Variants in PDE11A observed in about 807,000 individuals in gnomAD.
The protein encoded by PDE11A is dual 3',5'-cyclic-AMP and -GMP phosphodiesterase 11A.
In PDE11A, 100 loss-of-function variants were observed where a neutral mutation model predicts 100.5. The observed-to-expected ratio is 1.00, with a 90% CI of 0.85 to 1.18. PDE11A has a LOEUF of 1.18. Among genes scored for constraint, PDE11A ranks in the 50% most tolerant of loss-of-function variants. PDE11A has a pLI of 0.00. For synonymous variants in PDE11A, 381 were observed against 420.8 expected (o/e 0.91, Z 1.16); for missense variants, 1,141 against 1,152.6 (o/e 0.99, Z 0.15).
chr2:177,744,672 A>G (rs1001377621), intron 10 of PDE11A, among the ~76,000 whole-genome samples: 1 of 152,128 alleles, frequency 6.6e-6, no homozygotes, highest in Non-Finnish European at 1.5e-5. Flanking sequence ...ATGTGAGAGG[A>G]TTCTACATAA....
chr2:177,878,057 G>A (rs972016248), intron 4 of PDE11A, among the ~76,000 whole-genome samples: 2 of 152,100 alleles, frequency 1.3e-5, no homozygotes, highest in African/African-American at 2.4e-5. Flanking sequence ...TGCAACATTA[G>A]GGAAAAAATA....
intron 2 of PDE11A, among the ~76,000 whole-genome samples, chr2:178,103,793 C>A (rs2087587282): frequency 6.6e-6 from 1 of 151,926 alleles, no homozygotes; most frequent in Admixed American, 6.6e-5. Flanking sequence ...ACATATAAAT[C>A]TCCATATGAT....
intron 19 of PDE11A, among the ~76,000 whole-genome samples, chr2:177,635,271 T>A (rs2080022213): frequency 6.6e-6 from 1 of 152,230 alleles, no homozygotes; most frequent in Non-Finnish European, 1.5e-5. Context: ...GACTGATAAC[T>A]CAGGTTTTGT....
intron 15 of PDE11A, among the ~76,000 whole-genome samples, chr2:177,683,642 T>C (rs893221875): frequency 1.3e-5 from 2 of 152,220 alleles, no homozygotes; most frequent in African/African-American, 4.8e-5. Context: ...GGAACCTCTC[T>C]TGCTTTGCTG....
intron 2 of PDE11A, among the ~76,000 whole-genome samples, chr2:177,956,221 C>A (rs926212981): frequency 1.3e-5 from 2 of 152,026 alleles, no homozygotes. Flanking sequence ...AAGAAAAAAA[C>A]AAACAACCCC....
At chr2:177,981,050 T>C (rs1172276922) in intron 2 of PDE11A, among the ~76,000 whole-genome samples, 1 of 148,628 alleles carries the variant, frequency 6.7e-6, no homozygotes, top group Non-Finnish European at 1.5e-5. Context: ...CAATCTCAGT[T>C]AAAATCCCAG....
At chr2:178,063,556 C>G (rs2087000236) in intron 1 of PDE11A, among the ~76,000 whole-genome samples, 1 of 152,262 alleles carries the variant, frequency 6.6e-6, no homozygotes, top group South Asian at 2.1e-4. Context: ...ATGAACTAGA[C>G]AGGGTAGGTA....
At chr2:177,927,888 T>C (rs962089527) in intron 2 of PDE11A, among the ~76,000 whole-genome samples, 13 of 152,084 alleles carry the variant, frequency 8.5e-5, no homozygotes, top group Non-Finnish European at 1.6e-4. Context: ...GCAGATCACC[T>C]GAGGTTGGGA....
intron 2 of PDE11A, among the ~76,000 whole-genome samples, chr2:177,939,156 G>A (rs966623273): frequency 1.1e-4 from 16 of 152,108 alleles, no homozygotes; most frequent in Non-Finnish European, 2.1e-4. Context: ...TGAAGAAATC[G>A]GAGCTGGGAA....
intron 9 of PDE11A, among the ~76,000 whole-genome samples, chr2:177,800,985 T>C (rs182556523): frequency 6.6e-6 from 1 of 152,324 alleles, no homozygotes; most frequent in African/African-American, 2.4e-5. Flanking sequence ...AGAGAGAATG[T>C]TTTAATACAT....
At position 177,964,311 on chromosome 2, in the gene PDE11A, G is replaced by A. The variant is rs748992499; in HGVS notation, c.1071+49991C>T. ...ATATAATACACATATCTATTTCTCCGAGTTAATCATATTAAACTTTTAGCT... is the reference window on the plus strand; with the variant it reads ...ATATAATACACATATCTATTTCTCCAAGTTAATCATATTAAACTTTTAGCT... On this transcript the variant is annotated intron_variant, in intron 2 of 19. Transcript: ENST00000286063. 6.6e-5 allele frequency among the ~76,000 whole-genome samples: 10 copies of A among 151,876 alleles called. No individual in the cohort carries two copies. In the East Asian group the frequency reaches 9.6e-4, roughly 15 times the overall value.
chr2:177,631,539 A>G (rs370764342), intron 19 of PDE11A, among the ~76,000 whole-genome samples: 15,768 of 27,106 alleles, frequency 0.58, 5,894 homozygotes, highest in East Asian at 0.75. Flanking sequence ...ATATATATAT[A>G]TATATATACA....
At chr2:177,926,834 G>A (rs1487204299) in intron 2 of PDE11A, 4 of 151,918 alleles carry the variant, frequency 2.6e-5, no homozygotes, top group Admixed American at 1.3e-4. Context: ...CTGAGGACCC[G>A]AAGGCCTGGA....
At chr2:177,843,963 ATATAG>A (rs2083534140) in intron 5 of PDE11A, among the ~76,000 whole-genome samples, 1 of 152,140 alleles carries the variant, frequency 6.6e-6, no homozygotes, top group Non-Finnish European at 1.5e-5. Flanking sequence ...AAACTGACCT[ATATAG>A]GTCAGTGCAA....
At chr2:178,009,523 G>A (rs2086250935) in intron 2 of PDE11A, among the ~76,000 whole-genome samples, 1 of 151,028 alleles carries the variant, frequency 6.6e-6, no homozygotes. Context: ...AAGAGCATGA[G>A]GATTTTAAAG....
At chr2:177,658,704 T>C (rs2080428569) in intron 19 of PDE11A, among the ~76,000 whole-genome samples, 1 of 139,946 alleles carries the variant, frequency 7.1e-6, no homozygotes. Context: ...GGAAACTAAC[T>C]GATTTGAGTG....
intron 2 of PDE11A, among the ~76,000 whole-genome samples, chr2:177,986,899 T>C (rs2085947002): frequency 6.6e-6 from 1 of 151,638 alleles, no homozygotes; most frequent in Admixed American, 6.6e-5. Context: ...TTAAATGATA[T>C]AGTGCATGTA....
rs1347796715 is a variant in PDE11A at position 177,960,027 on chromosome 2, T to A, written c.1071+54275A>T. 2.0e-5 allele frequency among the ~76,000 whole-genome samples: 3 copies of A among 152,280 alleles called. No individual in the cohort carries two copies. The East Asian group carries it at 5.8e-4, about 29-fold the overall frequency. ...AGCAATGTCCTTGCTTACTGATACA[T>A]AACTAAAGGTTTAGAATTAGCCCAG... is the stretch of plus-strand genomic sequence containing the variant. On this transcript the variant is annotated intron_variant, in intron 2 of 19. Transcript: ENST00000286063.
intron 2 of PDE11A, chr2:177,922,042 A>C (rs1383497323): frequency 3.3e-5 from 5 of 152,124 alleles, no homozygotes; most frequent in African/African-American, 1.2e-4. Flanking sequence ...CCTCCTTCTC[A>C]CGTTCCTTTG....
Sources: gnomAD v4.1 joint callset for allele counts (sites outside exome capture counted in the v4.1 genomes callset) on GRCh38, gnomAD v4.1.1 for gene constraint, MANE v1.5 for transcripts, NCBI Gene and HGNC (gene_info 2026-07-23, HGNC 2026-07-21) for gene names.